Variants in PLD5 observed in about 807,000 individuals in gnomAD.
The protein encoded by PLD5 is inactive phospholipase D5.
Under a neutral mutation model 61.1 loss-of-function variants are expected in PLD5, and 36 were observed. The ratio of observed to expected loss-of-function variants is 0.59; its 90% CI spans 0.45 to 0.78. The LOEUF (loss-of-function observed/expected upper bound fraction) is 0.78. Ranked by LOEUF, PLD5 falls within the 30% of genes least tolerant of loss-of-function variation. The pLI, the probability that PLD5 is intolerant of heterozygous loss-of-function variation, is 0.00. For synonymous variants in PLD5, 243 were observed against 242.8 expected (o/e 1.00, Z -0.01); for missense variants, 515 against 644.4 (o/e 0.80, Z 2.17).
intron 2 of PLD5, among the ~76,000 whole-genome samples, chr1:242,320,992 C>G (rs1574727220): frequency 6.6e-6 from 1 of 152,240 alleles, no homozygotes; most frequent in South Asian, 2.1e-4. Context: ...AATTCCCTCT[C>G]ATCGGAGATC....
At chr1:242,504,720 G>C (rs1243855954) in intron 1 of PLD5, among the ~76,000 whole-genome samples, 1 of 151,628 alleles carries the variant, frequency 6.6e-6, no homozygotes, top group Non-Finnish European at 1.5e-5. Context: ...TGAATATTTA[G>C]GGAAAAGGTG....
chr1:242,405,172 G>A (rs1312389808), intron 1 of PLD5, among the ~76,000 whole-genome samples: 1 of 151,996 alleles, frequency 6.6e-6, no homozygotes, highest in East Asian at 1.9e-4. Flanking sequence ...CTGGCCCTCT[G>A]CTAATCCATT....
intron 1 of PLD5, among the ~76,000 whole-genome samples, chr1:242,455,535 C>G (rs1553378897): frequency 6.6e-6 from 1 of 152,220 alleles, no homozygotes; most frequent in Non-Finnish European, 1.5e-5. Context: ...TCAGGTCTTA[C>G]ACACCTTAAA....
intron 2 of PLD5, among the ~76,000 whole-genome samples, chr1:242,315,851 A>G (rs1396191726): frequency 6.6e-6 from 1 of 151,976 alleles, no homozygotes; most frequent in Non-Finnish European, 1.5e-5. Context: ...CTGCTTTAAG[A>G]CTCCACTTAC....
chr1:242,114,619 C>G (rs1041878786), intron 6 of PLD5, among the ~76,000 whole-genome samples: 2 of 152,206 alleles, frequency 1.3e-5, no homozygotes, highest in African/African-American at 4.8e-5. Context: ...CTCGCGTCAC[C>G]GCCTGAGCTC....
Position 242,280,682 on chromosome 1 carries a change from A to C in PLD5, c.495+7680T>G, listed in dbSNP as rs1188611466. 2.0e-5 allele frequency among the ~76,000 whole-genome samples: 3 copies of C among 152,232 alleles called. No individual in the cohort carries two copies. In the South Asian group the frequency reaches 6.2e-4, roughly 32 times the overall value. ...GGATCTAGTCTCCACCAACTATGCC[A>C]ATCTTTTTCCAGGCAAAATGAAAAC... On this transcript the variant is annotated intron_variant, in intron 3 of 9. Coordinates refer to ENST00000536534, the MANE Select transcript of PLD5 (RefSeq NM_001372062.1).
chr1:242,524,016 C>A, intron 1 of PLD5, 72 bp downstream of exon 1: 1 of 1,446,300 alleles, frequency 6.9e-7, no homozygotes, highest in South Asian at 1.3e-5. Flanking sequence ...CGCGCGCGCT[C>A]ATGCCACCAC....
At chr1:242,258,491 T>C (rs2149094062) in intron 4 of PLD5, among the ~76,000 whole-genome samples, 1 of 152,362 alleles carries the variant, frequency 6.6e-6, no homozygotes, top group Admixed American at 6.5e-5. Flanking sequence ...AAGTCATTGA[T>C]TCTGAAACAT....
chr1:242,478,568 G>A (rs1667670519), intron 1 of PLD5, among the ~76,000 whole-genome samples: 1 of 152,176 alleles, frequency 6.6e-6, no homozygotes, highest in Admixed American at 6.5e-5. Context: ...AAGATCGTAA[G>A]TGTGTCTTGA....
intron 1 of PLD5, among the ~76,000 whole-genome samples, chr1:242,355,247 C>A (rs1660693834): frequency 1.3e-5 from 2 of 152,142 alleles, no homozygotes; most frequent in Admixed American, 6.6e-5. Flanking sequence ...AGCCAACAGG[C>A]CTTGGGCTTT....
chr1:242,216,646 C>CGA (rs1418213607), intron 5 of PLD5, among the ~76,000 whole-genome samples: 1 of 152,200 alleles, frequency 6.6e-6, no homozygotes, highest in East Asian at 1.9e-4. Context: ...TTCAGGGCCA[C>CGA]GACTCTTTAC....
chr1:242,160,217 CATT>C (rs1309552310), intron 5 of PLD5, among the ~76,000 whole-genome samples: 4 of 152,220 alleles, frequency 2.6e-5, no homozygotes, highest in African/African-American at 9.6e-5. Flanking sequence ...AGAGGGGACT[CATT>C]ATGTTGCCTA....
Position 242,157,933 on chromosome 1 carries a change from G to A in PLD5, c.736-33268C>T, listed in dbSNP as rs560781573. Among the ~76,000 whole-genome samples the A allele has an allele frequency of 5.9e-5, 9 of 152,306 alleles. No homozygotes were observed. In the East Asian group the frequency reaches 9.7e-4, roughly 16 times the overall value. On this transcript the variant is annotated intron_variant, in intron 5 of 9. Coordinates refer to ENST00000536534, the MANE Select transcript of PLD5 (RefSeq NM_001372062.1). ...TGCCCACAGCTGTCCCTTCCCCCAG[G>A]TGCCCTGTCCCAGGGGAGTTTTATC...
intron 5 of PLD5, among the ~76,000 whole-genome samples, chr1:242,140,339 G>A (rs1664067931): frequency 6.6e-6 from 1 of 152,184 alleles, no homozygotes. Context: ...CCAAAACCTT[G>A]CTATGTAAGG....
At chr1:242,486,171 G>T (rs369024008) in intron 1 of PLD5, among the ~76,000 whole-genome samples, 32 of 151,932 alleles carry the variant, frequency 2.1e-4, no homozygotes, top group South Asian at 8.3e-4. Context: ...ACTTCATGTC[G>T]AAAACACCAA....
At chr1:242,197,220 C>G (rs1187294177) in intron 5 of PLD5, among the ~76,000 whole-genome samples, 1 of 152,190 alleles carries the variant, frequency 6.6e-6, no homozygotes, top group Non-Finnish European at 1.5e-5. Flanking sequence ...GGACTTAGTT[C>G]AAGAACTCAC....
At position 242,086,337 on chromosome 1, in the gene PLD5, C is replaced by T. The variant is rs545505721; in HGVS notation, c.*3517G>A. ...CTCTGTGCCACAGGACCTAGGAAGT[C>T]TGCAAAGCATCTCTTTACAGCATTC... On this transcript the variant is annotated 3_prime_UTR_variant, in exon 10 of 10. Transcript: ENST00000536534. 2 of 152,196 alleles carry T rather than the reference C, an allele frequency of 1.3e-5. No homozygotes were observed. Among genetic ancestry groups the T allele is most frequent in the Non-Finnish European group, 2.9e-5 (2 of 68,054 alleles). The allele number at this position is 152,196 out of a possible 1,614,324, so 9.4% of individuals were successfully genotyped here. A position where few individuals can be genotyped will look rare whatever the true frequency, so the allele number is the denominator to read the frequency against.
intron 1 of PLD5, among the ~76,000 whole-genome samples, chr1:242,518,321 C>T (rs553903332): frequency 6.6e-6 from 1 of 152,290 alleles, no homozygotes; most frequent in African/African-American, 2.4e-5. Flanking sequence ...AACTGCACCT[C>T]AACATTTACG....
In PLD5 at chr1:242,163,268, C is replaced by A. The variant is rs898479035; in HGVS notation, c.736-38603G>T. On this transcript the variant is annotated intron_variant, in intron 5 of 9. Coordinates refer to ENST00000536534, the MANE Select transcript of PLD5 (RefSeq NM_001372062.1). Reference sequence around the variant, plus strand: ...ATGCCATTCTCCTGCCTCAGCCTCCCGAGTAGCTGGGACTACAGGCGCCCG... The same window carrying A: ...ATGCCATTCTCCTGCCTCAGCCTCCAGAGTAGCTGGGACTACAGGCGCCCG... 1.6e-3 allele frequency among the ~76,000 whole-genome samples: 241 copies of A among 151,920 alleles called. 3 individuals carry two copies. Among genetic ancestry groups the A allele is most frequent in the Non-Finnish European group, 2.6e-4 (18 of 67,970 alleles).
Sources: allele counts gnomAD v4.1 joint callset (sites outside exome capture counted in the v4.1 genomes callset), GRCh38; gene constraint gnomAD v4.1.1; transcripts MANE v1.5; gene names NCBI Gene and HGNC (gene_info 2026-07-23, HGNC 2026-07-21).